NDRG3: variants seen among roughly 807,000 people sequenced by gnomAD.
NDRG3 encodes the protein NDRG family member 3, also known as protein NDRG3.
NDRG3 carries 23 observed loss-of-function variants against 57.2 expected under a neutral mutation model. The ratio of observed to expected loss-of-function variants is 0.40; its 90% CI spans 0.29 to 0.57. The LOEUF (loss-of-function observed/expected upper bound fraction) is 0.57. NDRG3 is among the 20% of genes least tolerant of loss of function. The pLI is 0.42. For synonymous variants in NDRG3, 132 were observed against 162.6 expected (o/e 0.81, Z 1.43); for missense variants, 384 against 457.3 (o/e 0.84, Z 1.46).
intron 9 of NDRG3, among the ~76,000 whole-genome samples, chr20:36,670,122 T>C (rs1980017529): frequency 1.3e-5 from 2 of 151,844 alleles, no homozygotes; most frequent in Non-Finnish European, 2.9e-5. Flanking sequence ...TTGTTTGGGG[T>C]GGGGAATTAT....
chr20:36,723,557 T>C (rs1253942163), intron 1 of NDRG3, among the ~76,000 whole-genome samples: 3 of 151,966 alleles, frequency 2.0e-5, no homozygotes, highest in Non-Finnish European at 4.4e-5. Context: ...ATGATGTTGA[T>C]CTACAAATTG....
chr20:36,676,068 G>A (rs1222382503), intron 8 of NDRG3, among the ~76,000 whole-genome samples: 3 of 151,800 alleles, frequency 2.0e-5, no homozygotes, highest in South Asian at 2.1e-4. Flanking sequence ...GTGAAACCCC[G>A]TCTCTACTAT....
intron 1 of NDRG3, among the ~76,000 whole-genome samples, chr20:36,728,997 C>T (rs1985117926): frequency 1.3e-5 from 2 of 152,110 alleles, no homozygotes; most frequent in Admixed American, 1.3e-4. Flanking sequence ...GCTGGGATTA[C>T]AGGTGTAAGC....
chr20:36,689,534 C>T (rs965350786), intron 3 of NDRG3, among the ~76,000 whole-genome samples: 2 of 152,082 alleles, frequency 1.3e-5, no homozygotes, highest in Admixed American at 6.6e-5. Flanking sequence ...CACCAGACAC[C>T]TATGGGTGTA....
chr20:36,718,946 G>A (rs903960254), intron 2 of NDRG3, among the ~76,000 whole-genome samples: 2 of 152,158 alleles, frequency 1.3e-5, no homozygotes, highest in Non-Finnish European at 2.9e-5. Flanking sequence ...CTCCCAAAGT[G>A]CTTGGATTAT....
intron 2 of NDRG3, among the ~76,000 whole-genome samples, chr20:36,712,559 CTATATATATA>C (rs1201319236): frequency 9.6e-5 from 2 of 20,748 alleles, no homozygotes; most frequent in Admixed American, 1.1e-3. Flanking sequence ...CCATGCCCGG[CTATATATATA>C]TATATATATA....
chr20:36,682,436 G>T, intron 7 of NDRG3, 82 bp downstream of exon 7: 1 of 1,134,556 alleles, frequency 8.8e-7, no homozygotes, highest in Non-Finnish European at 1.3e-6. Flanking sequence ...CCAGAATACT[G>T]CCTGGTCATT....
At position 36,729,262 on chromosome 20, in the gene NDRG3, C is replaced by T. The variant is rs1012297174; in HGVS notation, c.-48-7479G>A. Among the ~76,000 whole-genome samples the T allele has an allele frequency of 1.3e-4, 20 of 152,204 alleles. 1 individual carries two copies. The highest frequency in any genetic ancestry group is 7.2e-4 in the Admixed American group (11 of 15,268). On this transcript the variant is annotated intron_variant, in intron 1 of 15. Coordinates refer to ENST00000349004, the MANE Select transcript of NDRG3 (RefSeq NM_032013.4). ...GCCCTCACTATCTCAGTAGTTATAA[C>T]GCTAAGGGCATAGAGGATGTGGAAT... is the stretch of plus-strand genomic sequence containing the variant.
chr20:36,716,803 G>A (rs749527760), intron 2 of NDRG3, among the ~76,000 whole-genome samples: 1 of 152,070 alleles, frequency 6.6e-6, no homozygotes, highest in Non-Finnish European at 1.5e-5. Context: ...GGTCTTTTGG[G>A]TGAGGAGCCT....
Position 36,721,672 on chromosome 20 carries a change from T to C in NDRG3, c.57+7A>G. The C allele has an allele frequency of 1.9e-6, 3 of 1,579,250 alleles. No individual in the cohort carries two copies. Among genetic ancestry groups the C allele is most frequent in the Non-Finnish European group, 2.6e-6 (3 of 1,151,984 alleles). ...CCATATTTTAGTGAAAACAGAAAAG[T>C]CTTTACCTTATCATTTAGAAGTGGT... is the stretch of plus-strand genomic sequence containing the variant. On this transcript the variant is annotated splice_region_variant and intron_variant, in intron 2 of 15. Coordinates refer to ENST00000349004, the MANE Select transcript of NDRG3 (RefSeq NM_032013.4).
At chr20:36,728,215 G>A (rs141097007) in intron 1 of NDRG3, among the ~76,000 whole-genome samples, 4,295 of 151,914 alleles carry the variant, frequency 0.028, 245 homozygotes, top group African/African-American at 0.099. Context: ...CACAACGCCC[G>A]GCTAATTTTT....
intron 2 of NDRG3, among the ~76,000 whole-genome samples, chr20:36,713,442 G>T (rs1285921849): frequency 2.0e-5 from 3 of 152,132 alleles, no homozygotes. Context: ...TGAAAAAAAA[G>T]GGGGGTGTGA....
intron 12 of NDRG3, among the ~76,000 whole-genome samples, chr20:36,660,629 C>T (rs1417382092): frequency 6.6e-6 from 1 of 151,184 alleles, no homozygotes; most frequent in Non-Finnish European, 1.5e-5. Flanking sequence ...GGCGCGATCT[C>T]GGCTCACTGC....
chr20:36,730,842 G>A (rs912786259), intron 1 of NDRG3, among the ~76,000 whole-genome samples: 2 of 151,646 alleles, frequency 1.3e-5, no homozygotes, highest in African/African-American at 4.8e-5. Flanking sequence ...GGAGGCTGAG[G>A]CATGAGAATC....
At chr20:36,745,137 A>C (rs1316043272) in intron 1 of NDRG3, among the ~76,000 whole-genome samples, 2 of 152,128 alleles carry the variant, frequency 1.3e-5, no homozygotes, top group Admixed American at 6.6e-5. Flanking sequence ...GGGCTTCATG[A>C]CAAGGAAGGG....
chr20:36,694,393 C>G (rs554132001), intron 3 of NDRG3, among the ~76,000 whole-genome samples: 1 of 152,172 alleles, frequency 6.6e-6, no homozygotes, highest in South Asian at 2.1e-4. Flanking sequence ...AAGTGAAAAA[C>G]AGTCTTGAAT....
At chr20:36,708,504 T>C (rs958212415) in intron 2 of NDRG3, among the ~76,000 whole-genome samples, 1 of 150,594 alleles carries the variant, frequency 6.6e-6, no homozygotes, top group African/African-American at 2.4e-5. Flanking sequence ...CTACAAAAAT[T>C]AGCCGGGCAT....
rs543045479 is a variant in NDRG3 at position 36,733,731 on chromosome 20, A to T, written c.-48-11948T>A. Among the ~76,000 whole-genome samples the T allele has an allele frequency of 3.3e-5, 5 of 152,048 alleles. 1 individual carries two copies. The highest frequency in any genetic ancestry group is 3.3e-4 in the Admixed American group (5 of 15,244). On this transcript the variant is annotated intron_variant, in intron 1 of 15. Coordinates refer to ENST00000349004, the MANE Select transcript of NDRG3 (RefSeq NM_032013.4). ...ATAAAAAAAAATAAAAAACACACAG[A>T]ATGACGGCAACAAACAAAGGGGGCA...
intron 2 of NDRG3, among the ~76,000 whole-genome samples, chr20:36,720,501 C>T (rs1337021621): frequency 6.6e-6 from 1 of 152,102 alleles, no homozygotes; most frequent in African/African-American, 2.4e-5. Context: ...AATCATATCA[C>T]ACCAGTGTCT....
Sources: gnomAD v4.1 joint callset for allele counts (sites outside exome capture counted in the v4.1 genomes callset) on GRCh38, gnomAD v4.1.1 for gene constraint, MANE v1.5 for transcripts, NCBI Gene and HGNC (gene_info 2026-07-23, HGNC 2026-07-21) for gene names.